SKP1: variants seen among roughly 807,000 people sequenced by gnomAD.
SKP1 encodes S-phase kinase-associated protein 1.
In SKP1, 1 loss-of-function variant was observed where a neutral mutation model predicts 21.5. The observed-to-expected ratio is 0.05, with a 90% CI of 0.02 to 0.22. The LOEUF is 0.22. Among genes scored for constraint, SKP1 ranks in the 10% least tolerant of loss-of-function variants. The probability of loss-of-function intolerance (pLI) is 1.00; values close to 1 mark genes in which losing one functional copy is unlikely to be tolerated. For synonymous variants in SKP1, 59 were observed against 59.3 expected (o/e 0.99, Z 0.03); for missense variants, 70 against 192.0 (o/e 0.36, Z 3.76).
rs1363026460 is a variant in SKP1 at position 134,151,503 on chromosome 5, A to G, written c.*6230T>C. ...ATTCAGGAAAGAAAGGACAAATAAG[A>G]ATTTTCACCAGATAGGTGGGAGGTA... On this transcript the variant is annotated 3_prime_UTR_variant, in exon 6 of 6. Coordinates refer to ENST00000353411, the MANE Select transcript of SKP1 (RefSeq NM_170679.3). 3.1e-6 allele frequency: 1 copy of G among 325,122 alleles called. No homozygotes were observed. Among genetic ancestry groups the G allele is most frequent in the African/African-American group, 2.2e-5 (1 of 45,358 alleles). The allele number at this position is 325,122 out of a possible 1,614,324, so 20.1% of individuals were successfully genotyped here. A position where few individuals can be genotyped will look rare whatever the true frequency, so the allele number is the denominator to read the frequency against.
chr5:134,174,011 A>G lies in SKP1; in HGVS notation c.12T>C (p.Ile4=), dbSNP rs144074641. Residue 4 remains isoleucine (I), a synonymous_variant, in exon 2 of 6, where the codon ATT becomes ATC. Coordinates refer to ENST00000353411, the MANE Select transcript of SKP1 (RefSeq NM_170679.3). Reference sequence around the variant, plus strand: ...TCTCTCCATCAGAACTCTGCAACTTAATTGAAGGCATCTAAAAAAAAAGGA... The same window carrying G: ...TCTCTCCATCAGAACTCTGCAACTTGATTGAAGGCATCTAAAAAAAAAGGA... MPS[I]KLQSSDGEIF... 1 of 1,595,436 alleles carries G rather than the reference A, an allele frequency of 6.3e-7. No individual in the cohort carries two copies. The highest frequency in any genetic ancestry group is 1.7e-5 in the Admixed American group (1 of 59,892).
intron 4 of SKP1, among the ~76,000 whole-genome samples, chr5:134,159,860 T>C (rs1212643299): frequency 6.6e-6 from 1 of 151,684 alleles, no homozygotes; most frequent in East Asian, 2.0e-4. Context: ...TTTTCGTATT[T>C]TTAGTAGAGA....
At chr5:134,174,219 AAGTATAACTACTAGGAACAG>A (rs1330322932) in intron 1 of SKP1, among the ~76,000 whole-genome samples, 197 bp from the exon 2 acceptor site, 2 of 152,204 alleles carry the variant, frequency 1.3e-5, no homozygotes, top group African/African-American at 4.8e-5. Flanking sequence ...AATTTTTTCA[AAGTATAACTACTAGGAACAG>A]AAGCTTTTAA....
intron 2 of SKP1, 77 bp from the exon 3 acceptor site, chr5:134,167,320 A>AT: frequency 2.2e-6 from 2 of 922,576 alleles, no homozygotes; most frequent in Non-Finnish European, 3.6e-6. Flanking sequence ...GTCTCAAAAC[A>AT]TAAGAGTCAG....
chr5:134,166,960 C>G (rs762212452), intron 3 of SKP1, among the ~76,000 whole-genome samples: 40 of 152,138 alleles, frequency 2.6e-4, no homozygotes, highest in Non-Finnish European at 8.8e-5. Context: ...TGACAATAGT[C>G]AACTGTGGCA....
intron 2 of SKP1, among the ~76,000 whole-genome samples, chr5:134,168,567 A>G (rs1172690553): frequency 5.3e-5 from 8 of 152,198 alleles, no homozygotes; most frequent in Admixed American, 2.0e-4. Flanking sequence ...TAAGGAAGTT[A>G]AAGAACATGG....
intron 2 of SKP1, among the ~76,000 whole-genome samples, chr5:134,172,738 C>T (rs542563171): frequency 6.6e-6 from 1 of 151,930 alleles, no homozygotes; most frequent in African/African-American, 2.4e-5. Context: ...TTAGGCTGGG[C>T]GTGGTGTCTC....
chr5:134,149,937 G>C lies in SKP1; in HGVS notation c.*7796C>G, dbSNP rs1211764250. The C allele has an allele frequency of 6.6e-6, 1 of 151,908 alleles. No individual in the cohort carries two copies. The allele number at this position is 151,908 out of a possible 1,614,324, so 9.4% of individuals were successfully genotyped here. On this transcript the variant is annotated 3_prime_UTR_variant, in exon 6 of 6. Transcript: ENST00000353411. The stretch of plus-strand genomic sequence containing the variant: ...TTCCTGCGAGGCCAGAGGGTGACTT[G>C]AGATTGCAACCTCAAGTTCAACTGC...
intron 2 of SKP1, among the ~76,000 whole-genome samples, chr5:134,168,010 G>A (rs553316344): frequency 3.9e-5 from 6 of 152,318 alleles, no homozygotes; most frequent in African/African-American, 1.4e-4. Context: ...AATATAAAAA[G>A]TACTTTACTT....
intron 5 of SKP1, chr5:134,158,144 C>A: frequency 2.2e-6 from 3 of 1,373,984 alleles, no homozygotes; most frequent in Non-Finnish European, 2.8e-6. Flanking sequence ...CTCTCTAGGG[C>A]CTGCTTTTCT....
At chr5:134,164,408 G>A (rs1002223304) in intron 3 of SKP1, among the ~76,000 whole-genome samples, 1 of 149,378 alleles carries the variant, frequency 6.7e-6, no homozygotes, top group East Asian at 2.0e-4. Flanking sequence ...ACAGCTAACT[G>A]TTCACCTACT....
chr5:134,176,631 G>T (rs1761553413), intron 1 of SKP1: 2 of 152,426 alleles, frequency 1.3e-5, no homozygotes, highest in Non-Finnish European at 2.9e-5. Context: ...GCGCCGTGAG[G>T]ACGCCCGGCC....
chr5:134,158,634 T>G, intron 4 of SKP1, 39 bp from the exon 5 acceptor site: 2 of 1,566,902 alleles, frequency 1.3e-6, no homozygotes, highest in Non-Finnish European at 1.8e-6. Context: ...GTATACTTGA[T>G]GTTTTAAACT....
At position 134,151,798 on chromosome 5, in the gene SKP1, T is replaced by G; in HGVS notation, c.*5935A>C. On this transcript the variant is annotated 3_prime_UTR_variant, in exon 6 of 6. Coordinates refer to ENST00000353411, the MANE Select transcript of SKP1 (RefSeq NM_170679.3). ...AGAGGTAGCCAGCAGTACACAAGAC[T>G]GCAAGGCAACAAGTACATTATCAAT... 1 of 394,308 alleles carries G rather than the reference T, an allele frequency of 2.5e-6. No homozygotes were observed. Among genetic ancestry groups the G allele is most frequent in the South Asian group, 1.8e-5 (1 of 56,880 alleles). The allele number at this position is 394,308 out of a possible 1,614,324, so 24.4% of individuals were successfully genotyped here.
chr5:134,167,478 T>C (rs1242815443), intron 2 of SKP1, among the ~76,000 whole-genome samples: 1 of 152,148 alleles, frequency 6.6e-6, no homozygotes, highest in Non-Finnish European at 1.5e-5. Context: ...ATAAAAACTA[T>C]TTGCATAGCA....
intron 3 of SKP1, among the ~76,000 whole-genome samples, chr5:134,166,259 A>C (rs1221170979): frequency 1.3e-5 from 2 of 150,710 alleles, no homozygotes; most frequent in African/African-American, 2.5e-5. Flanking sequence ...AAAAAAAAAA[A>C]CATAGAAATG....
In SKP1 at chr5:134,158,330, T is replaced by C. The variant is rs184814826; in HGVS notation, c.456+125A>G. ...ACAGTAAGAGTATGTTTAAGACACA[T>C]TAAGTACATATTATCCCTAAAGTAT... is the stretch of plus-strand genomic sequence containing the variant. On this transcript the variant is annotated intron_variant, in intron 5 of 5. Transcript: ENST00000353411. 5.7e-6 allele frequency: 9 copies of C among 1,576,000 alleles called. No homozygotes were observed. The South Asian group carries it at 8.3e-5, about 15-fold the overall frequency.
At chr5:134,170,858 GATAAA>G in intron 2 of SKP1, 2 of 377,468 alleles carry the variant, frequency 5.3e-6, no homozygotes, top group Non-Finnish European at 5.2e-6. Context: ...CAGGCACCAA[GATAAA>G]ATAAAGAACA....
intron 2 of SKP1, among the ~76,000 whole-genome samples, chr5:134,172,652 G>T (rs1761464211): frequency 6.6e-6 from 1 of 151,966 alleles, no homozygotes; most frequent in Non-Finnish European, 1.5e-5. Context: ...GGGTGCCGAG[G>T]TGGGAGGATG....
Sources: gnomAD v4.1 joint callset for allele counts (sites outside exome capture counted in the v4.1 genomes callset) on GRCh38, gnomAD v4.1.1 for gene constraint, MANE v1.5 for transcripts, NCBI Gene and HGNC (gene_info 2026-07-23, HGNC 2026-07-21) for gene names.